The following LRRC4C variants were observed in gnomAD, a reference collection of about 807,000 sequenced individuals.
LRRC4C encodes leucine-rich repeat-containing protein 4C.
Under a neutral mutation model 33.6 loss-of-function variants are expected in LRRC4C, and 5 were observed. The observed-to-expected ratio is 0.15, with a 90% CI of 0.08 to 0.31. The LOEUF (loss-of-function observed/expected upper bound fraction) is 0.31. Among genes scored for constraint, LRRC4C ranks in the 10% least tolerant of loss-of-function variants. LRRC4C has a pLI of 1.00. For synonymous variants in LRRC4C, 329 were observed against 302.0 expected (o/e 1.09, Z -0.93); for missense variants, 560 against 796.7 (o/e 0.70, Z 3.58).
At chr11:40,705,526 G>A (rs1291172274) in intron 2 of LRRC4C, among the ~76,000 whole-genome samples, 2 of 126,510 alleles carry the variant, frequency 1.6e-5, no homozygotes, top group African/African-American at 2.7e-5. Context: ...TGGCTGCAAA[G>A]GACATGAACT....
At chr11:40,973,272 G>A (rs1245029132) in intron 1 of LRRC4C, among the ~76,000 whole-genome samples, 4 of 151,858 alleles carry the variant, frequency 2.6e-5, no homozygotes, top group Non-Finnish European at 5.9e-5. Context: ...TTGTCTACTA[G>A]ATAGAAGAAA....
chr11:40,485,822 A>G (rs541581852), intron 3 of LRRC4C, among the ~76,000 whole-genome samples: 1 of 152,222 alleles, frequency 6.6e-6, no homozygotes, highest in South Asian at 2.1e-4. Context: ...GTACAGCCAT[A>G]AAAAAGAATG....
chr11:41,069,179 T>C (rs1938493910), intron 1 of LRRC4C, among the ~76,000 whole-genome samples: 2 of 152,204 alleles, frequency 1.3e-5, no homozygotes, highest in Admixed American at 1.3e-4. Context: ...CACTTGATTA[T>C]TCTAATAGAG....
At chr11:40,595,462 AC>A (rs1959214653) in intron 3 of LRRC4C, among the ~76,000 whole-genome samples, 1 of 152,022 alleles carries the variant, frequency 6.6e-6, no homozygotes, top group Admixed American at 6.6e-5. Flanking sequence ...AGTGTTTTTC[AC>A]CTAAACCAAC....
At chr11:40,537,886 A>G (rs1382079256) in intron 3 of LRRC4C, among the ~76,000 whole-genome samples, 1 of 152,172 alleles carries the variant, frequency 6.6e-6, no homozygotes, top group Non-Finnish European at 1.5e-5. Context: ...GAGTGGCTGT[A>G]GCCCTGTCTA....
At position 41,105,233 on chromosome 11, in the gene LRRC4C, A is replaced by T. The variant is rs1941426295; in HGVS notation, c.-495-171510T>A. On this transcript the variant is annotated intron_variant, in intron 1 of 6. Coordinates refer to ENST00000528697, the MANE Select transcript of LRRC4C (RefSeq NM_001258419.2). ...CCTTTTGACTTCAGTCTTGATGATC[A>T]GCTTGCTTGGAAAATATTTCCCATA... Among the ~76,000 whole-genome samples, 3 of 152,058 alleles carry T rather than the reference A, an allele frequency of 2.0e-5. No homozygotes were observed. In the South Asian group the frequency reaches 6.2e-4, roughly 32 times the overall value.
intron 3 of LRRC4C, among the ~76,000 whole-genome samples, chr11:40,631,853 G>A (rs1279940018): frequency 1.3e-5 from 2 of 152,144 alleles, no homozygotes; most frequent in African/African-American, 4.8e-5. Context: ...TAGAAGCTCT[G>A]TAATGGTCTT....
chr11:40,739,021 GTGTGTGTA>G (rs143375696), intron 2 of LRRC4C, among the ~76,000 whole-genome samples: 7 of 54,742 alleles, frequency 1.3e-4, no homozygotes, highest in African/African-American at 2.2e-4. Flanking sequence ...GTGTGTGTGT[GTGTGTGTA>G]TGTGTGTGTG....
chr11:41,361,336 G>T (rs1339044294), intron 1 of LRRC4C, among the ~76,000 whole-genome samples: 1 of 152,076 alleles, frequency 6.6e-6, no homozygotes, highest in Non-Finnish European at 1.5e-5. Flanking sequence ...TTTCTTGTAG[G>T]AGTTACAGAA....
intron 3 of LRRC4C, among the ~76,000 whole-genome samples, chr11:40,549,339 C>T (rs534150246): frequency 1.3e-5 from 2 of 152,242 alleles, no homozygotes; most frequent in East Asian, 1.9e-4. Context: ...AGATTTAAGA[C>T]AACCAGGAGC....
At chr11:40,854,434 A>G (rs1248107938) in intron 2 of LRRC4C, among the ~76,000 whole-genome samples, 1 of 152,074 alleles carries the variant, frequency 6.6e-6, no homozygotes, top group Non-Finnish European at 1.5e-5. Context: ...TGCTAATCTC[A>G]CCTGGGTAAA....
chr11:40,462,463 G>T (rs4756593), intron 3 of LRRC4C, among the ~76,000 whole-genome samples: 60,582 of 151,600 alleles, frequency 0.4, 12,414 homozygotes, highest in East Asian at 0.54. Flanking sequence ...CATGAACCTC[G>T]AACAAAGATT....
chr11:40,450,331 TAAATA>T (rs1951827565), intron 3 of LRRC4C, among the ~76,000 whole-genome samples: 1 of 152,204 alleles, frequency 6.6e-6, no homozygotes, highest in Admixed American at 6.5e-5. Context: ...TAATTATGAT[TAAATA>T]AATATATCAC....
rs141972715 is a variant in LRRC4C at position 40,822,358 on chromosome 11, T to C, written c.-407+111277A>G. Among the ~76,000 whole-genome samples, 982 of 151,678 alleles carry C rather than the reference T, an allele frequency of 6.5e-3. 6 individuals carry two copies. Among genetic ancestry groups the C allele is most frequent in the African/African-American group, 0.022 (907 of 41,478 alleles). Reference sequence around the variant, plus strand: ...TTCTAGGTTTTTTTTTTTTTATCGCTGAATAGTATTCCATTATATGTATAA... The same window carrying C: ...TTCTAGGTTTTTTTTTTTTTATCGCCGAATAGTATTCCATTATATGTATAA... On this transcript the variant is annotated intron_variant, in intron 2 of 6. Coordinates refer to ENST00000528697, the MANE Select transcript of LRRC4C (RefSeq NM_001258419.2).
intron 2 of LRRC4C, among the ~76,000 whole-genome samples, chr11:40,711,758 C>T (rs928660504): frequency 4.5e-4 from 67 of 148,828 alleles, no homozygotes; most frequent in African/African-American, 1.5e-3. Flanking sequence ...TAGATAGTAA[C>T]GGAGGATGTT....
chr11:40,353,422 T>A (rs539927969), intron 3 of LRRC4C, among the ~76,000 whole-genome samples: 147 of 152,254 alleles, frequency 9.7e-4, no homozygotes, highest in Middle Eastern at 3.4e-3. Context: ...GTTTGATTTT[T>A]AAAAATTATT....
At chr11:41,328,703 T>C (rs1951200548) in intron 1 of LRRC4C, among the ~76,000 whole-genome samples, 2 of 152,096 alleles carry the variant, frequency 1.3e-5, no homozygotes, top group African/African-American at 4.8e-5. Context: ...CTATTTGAGG[T>C]TTTTCACAAG....
At position 40,560,664 on chromosome 11, in the gene LRRC4C, G is replaced by A. The variant is rs908478799; in HGVS notation, c.-270+87478C>T. Among the ~76,000 whole-genome samples, 8 of 152,210 alleles carry A rather than the reference G, an allele frequency of 5.3e-5. No individual in the cohort carries two copies. The East Asian group carries it at 1.2e-3, about 22-fold the overall frequency. Reference sequence around the variant, plus strand: ...TTTGAAACTGAAAGAGCTGTGTTTGGGCTCTAGTTTTACCATTTATAATGT... The same window carrying A: ...TTTGAAACTGAAAGAGCTGTGTTTGAGCTCTAGTTTTACCATTTATAATGT... On this transcript the variant is annotated intron_variant, in intron 3 of 6. Transcript: ENST00000528697.
At chr11:40,530,888 G>C (rs1033739386) in intron 3 of LRRC4C, among the ~76,000 whole-genome samples, 3 of 152,056 alleles carry the variant, frequency 2.0e-5, no homozygotes, top group African/African-American at 7.2e-5. Context: ...GGAGGGAGGG[G>C]CTCTGTTTAA....
Sources: gnomAD v4.1 joint callset for allele counts (sites outside exome capture counted in the v4.1 genomes callset) on GRCh38, gnomAD v4.1.1 for gene constraint, MANE v1.5 for transcripts, NCBI Gene and HGNC (gene_info 2026-07-23, HGNC 2026-07-21) for gene names.